The following MARCHF8 variants were observed in gnomAD, a reference collection of about 807,000 sequenced individuals.
MARCHF8 encodes membrane associated ring-CH-type finger 8.
Under a neutral mutation model 51.6 loss-of-function variants are expected in MARCHF8, and 40 were observed. The ratio of observed to expected loss-of-function variants is 0.77; its 90% CI spans 0.60 to 1.01. The LOEUF (loss-of-function observed/expected upper bound fraction) is 1.01, where lower values mean the gene tolerates loss of function less well. MARCHF8 is among the 50% of genes least tolerant of loss of function. The pLI is 0.00. For synonymous variants in MARCHF8, 263 were observed against 280.3 expected (o/e 0.94, Z 0.62); for missense variants, 685 against 708.6 (o/e 0.97, Z 0.38).
Position 45,458,982 on chromosome 10 carries a change from G to T in MARCHF8, c.1417+138C>A, listed in dbSNP as rs192341030. The T allele has an allele frequency of 4.9e-5, 50 of 1,023,212 alleles. No homozygotes were observed. In the African/African-American group the frequency reaches 7.6e-4, roughly 15 times the overall value. 63.4% of individuals were successfully genotyped at this position (1,023,212 alleles called of 1,614,324 possible). On this transcript the variant is annotated intron_variant, in intron 7 of 7. Coordinates refer to ENST00000453424, the MANE Select transcript of MARCHF8 (RefSeq NM_001282866.2). ...ACCACAGCAAAAGAAATGCCAAAAA[G>T]GAGGCTAGTGCCTCCTAACTGATGT...
At chr10:45,526,591 G>A (rs1030296089) in intron 2 of MARCHF8, among the ~76,000 whole-genome samples, 1 of 152,106 alleles carries the variant, frequency 6.6e-6, no homozygotes, top group Non-Finnish European at 1.5e-5. Flanking sequence ...TTCTTGTACA[G>A]TCTGCAGAAT....
At chr10:45,553,771 AC>A (rs1024001825) in intron 1 of MARCHF8, among the ~76,000 whole-genome samples, 3 of 152,198 alleles carry the variant, frequency 2.0e-5, no homozygotes, top group African/African-American at 7.2e-5. Context: ...ATAGTGTGCT[AC>A]CATTCACCTA....
chr10:45,470,202 C>CA (rs1843123461), intron 3 of MARCHF8, among the ~76,000 whole-genome samples: 1 of 152,194 alleles, frequency 6.6e-6, no homozygotes, highest in Non-Finnish European at 1.5e-5. Context: ...TAGGAGTCTA[C>CA]ATGCGCATGC....
intron 2 of MARCHF8, among the ~76,000 whole-genome samples, chr10:45,508,840 T>C (rs2043438709): frequency 6.6e-6 from 1 of 152,246 alleles, no homozygotes; most frequent in African/African-American, 2.4e-5. Flanking sequence ...AAAATTTTTT[T>C]ATTGACTTTA....
At position 45,517,325 on chromosome 10, in the gene MARCHF8, A is replaced by G. The variant is rs77359309; in HGVS notation, c.102+15785T>C. ...TTAAGAAGGGCTCAAAATAGTTTGGATATTTGTCTCCACCAAATCTCATGT... is the reference window on the plus strand; with the variant it reads ...TTAAGAAGGGCTCAAAATAGTTTGGGTATTTGTCTCCACCAAATCTCATGT... On this transcript the variant is annotated intron_variant, in intron 2 of 7. Coordinates refer to ENST00000453424, the MANE Select transcript of MARCHF8 (RefSeq NM_001282866.2). Among the ~76,000 whole-genome samples, 648 of 152,334 alleles carry G rather than the reference A, an allele frequency of 4.3e-3. 17 individuals are homozygous for G. In the East Asian group the frequency reaches 0.062, roughly 15 times the overall value.
At chr10:45,475,487 A>G (rs188603959) in intron 3 of MARCHF8, among the ~76,000 whole-genome samples, 3 of 152,240 alleles carry the variant, frequency 2.0e-5, no homozygotes, top group East Asian at 3.9e-4. Flanking sequence ...TTCCACCACT[A>G]TTGGAACCTG....
chr10:45,590,562 G>A lies in MARCHF8; in HGVS notation c.-79+3673C>T, dbSNP rs932550771. Reference sequence around the variant, plus strand: ...ACTCCAATCCTAGATGTATATTCCAGAGAAATTCTTACCTTTGAAGAAAAA... The same window carrying A: ...ACTCCAATCCTAGATGTATATTCCAAAGAAATTCTTACCTTTGAAGAAAAA... On this transcript the variant is annotated intron_variant, in intron 1 of 6. Transcript: ENST00000319836. 3.9e-5 allele frequency among the ~76,000 whole-genome samples: 6 copies of A among 152,122 alleles called. 1 individual carries two copies. The highest frequency in any genetic ancestry group is 1.4e-4 in the African/African-American group (6 of 41,414).
intron 2 of MARCHF8, among the ~76,000 whole-genome samples, chr10:45,519,181 T>C (rs1242442018): frequency 6.6e-6 from 1 of 152,248 alleles, no homozygotes; most frequent in Non-Finnish European, 1.5e-5. Context: ...CAAGCATGGG[T>C]ATCATGTGGA....
At chr10:45,536,835 A>T (rs1236087294), upstream of MARCHF8, among the ~76,000 whole-genome samples, 1 of 134,838 alleles carries the variant, frequency 7.4e-6, no homozygotes, top group Non-Finnish European at 1.6e-5. Flanking sequence ...ATCTCTACCA[A>T]AATAATAATA....
intron 1 of MARCHF8, among the ~76,000 whole-genome samples, chr10:45,576,975 A>G (rs547672568): frequency 1.3e-3 from 35 of 26,100 alleles, no homozygotes; most frequent in Admixed American, 0.011. Context: ...AAGAGAAAAG[A>G]AAAAAAAAAA....
chr10:45,527,828 T>A (rs1052338813), intron 2 of MARCHF8, among the ~76,000 whole-genome samples: 1 of 152,050 alleles, frequency 6.6e-6, no homozygotes, highest in South Asian at 2.1e-4. Context: ...GTACCCCTAA[T>A]GAACACAGAT....
Position 45,533,226 on chromosome 10 carries a change from T to A in MARCHF8, c.-15A>T. 6.3e-7 allele frequency: 1 copy of A among 1,597,548 alleles called. No homozygotes were observed. Among genetic ancestry groups the A allele is most frequent in the Non-Finnish European group, 8.5e-7 (1 of 1,174,882 alleles). ...GGCATGCTCATCCCAACCTCTTATC[T>A]GGTCGTCTTCTTCACAGAAGAGAGT... On this transcript the variant is annotated 5_prime_UTR_variant, in exon 2 of 8. Transcript: ENST00000453424.
chr10:45,524,217 A>T (rs946224088), intron 2 of MARCHF8, among the ~76,000 whole-genome samples: 1 of 152,198 alleles, frequency 6.6e-6, no homozygotes, highest in Admixed American at 6.5e-5. Flanking sequence ...TTTATTCTCA[A>T]AGAAAACAAG....
intron 5 of MARCHF8, among the ~76,000 whole-genome samples, chr10:45,462,567 G>T (rs186693257): frequency 6.6e-6 from 1 of 151,114 alleles, no homozygotes; most frequent in African/African-American, 2.4e-5. Context: ...CTTATTTTTA[G>T]TTTAGAAGAG....
intron 1 of MARCHF8, among the ~76,000 whole-genome samples, chr10:45,564,245 GC>G (rs2133373774): frequency 6.6e-6 from 1 of 152,344 alleles, no homozygotes; most frequent in South Asian, 2.1e-4. Context: ...CTGCACTCCA[GC>G]CTGGGCAACA....
At chr10:45,585,446 T>C (rs1386811516) in intron 1 of MARCHF8, among the ~76,000 whole-genome samples, 1 of 152,016 alleles carries the variant, frequency 6.6e-6, no homozygotes, top group Non-Finnish European at 1.5e-5. Context: ...GAGTCTCAAA[T>C]CTCATACGGA....
intron 7 of MARCHF8, 147 bp from the exon 8 acceptor site, chr10:45,458,690 G>A (rs561204976): frequency 1.2e-6 from 1 of 845,878 alleles, no homozygotes. Flanking sequence ...GCCCAGGCTG[G>A]AGTGCAGTGG....
intron 3 of MARCHF8, among the ~76,000 whole-genome samples, chr10:45,467,821 C>T (rs1327473172): frequency 6.6e-6 from 1 of 152,194 alleles, no homozygotes; most frequent in Non-Finnish European, 1.5e-5. Flanking sequence ...TCAGACCACA[C>T]ACGACTCGAC....
chr10:45,578,276 A>G (rs2133413322), intron 1 of MARCHF8, among the ~76,000 whole-genome samples: 1 of 152,354 alleles, frequency 6.6e-6, no homozygotes, highest in South Asian at 2.1e-4. Context: ...TTGTTGCACC[A>G]GAAAGTAAAT....
Sources: gnomAD v4.1 joint callset for allele counts (sites outside exome capture counted in the v4.1 genomes callset) on GRCh38, gnomAD v4.1.1 for gene constraint, MANE v1.5 for transcripts, NCBI Gene and HGNC (gene_info 2026-07-23, HGNC 2026-07-21) for gene names.